DLC1: variants seen among roughly 807,000 people sequenced by gnomAD.
The protein encoded by DLC1 is DLC1 Rho GTPase activating protein.
DLC1 carries 54 observed loss-of-function variants against 140.3 expected under a neutral mutation model. That is an observed-to-expected ratio of 0.38 (90% CI 0.31 to 0.48). The LOEUF (loss-of-function observed/expected upper bound fraction) is 0.48. Ranked by LOEUF, DLC1 falls within the 20% of genes least tolerant of loss-of-function variation. The pLI is 0.96. For synonymous variants in DLC1, 986 were observed against 728.1 expected (o/e 1.35, Z -5.70); for missense variants, 2,536 against 1,907.0 (o/e 1.33, Z -6.14).
chr8:13,571,323 T>C (rs1054144899), intron 1 of DLC1, among the ~76,000 whole-genome samples: 1 of 152,170 alleles, frequency 6.6e-6, no homozygotes. Context: ...CAGAATTTTT[T>C]ATCACCTCAA....
chr8:13,119,763 G>A (rs549726096), intron 5 of DLC1, among the ~76,000 whole-genome samples: 4 of 151,992 alleles, frequency 2.6e-5, no homozygotes, highest in African/African-American at 9.6e-5. Flanking sequence ...ACCACTCTGG[G>A]CAATAATTGC....
In DLC1 at chr8:13,095,149, T is replaced by C. The variant is rs1818402645; in HGVS notation, c.3264A>G (p.Gly1088=). Residue 1088 remains glycine, a synonymous_variant, in exon 11 of 18, where the codon GGA becomes GGG. Transcript: ENST00000276297. ...VPLTVNVQRT[G]QPLPQSIQQA... is the part of the protein sequence containing the mutation. Reference sequence around the variant, plus strand: ...GCTGGATGCTCTGAGGCAACGGTTGTCCTGTGCGCTGCACGTTGACCGTCA... The same window carrying C: ...GCTGGATGCTCTGAGGCAACGGTTGCCCTGTGCGCTGCACGTTGACCGTCA... The C allele has an allele frequency of 1.9e-6, 3 of 1,614,242 alleles. No homozygotes were observed. Among genetic ancestry groups the C allele is most frequent in the Non-Finnish European group, 1.7e-6 (2 of 1,180,050 alleles).
At chr8:13,363,829 C>G (rs1301974672) in intron 4 of DLC1, among the ~76,000 whole-genome samples, 3 of 152,080 alleles carry the variant, frequency 2.0e-5, no homozygotes, top group Non-Finnish European at 4.4e-5. Flanking sequence ...GATTTGGTAC[C>G]AAAATGATAA....
In DLC1 at chr8:13,409,443, G is replaced by A. The variant is rs58191747; in HGVS notation, c.1024-7824C>T. The stretch of plus-strand genomic sequence containing the variant: ...TGCAGATTTAGCAAATAAAACGATA[G>A]GATGTCTAGTTATATTTGAATTTCA... On this transcript the variant is annotated intron_variant, in intron 2 of 17. Coordinates refer to ENST00000276297, the MANE Select transcript of DLC1 (RefSeq NM_182643.3). 3.6e-3 allele frequency among the ~76,000 whole-genome samples: 554 copies of A among 152,154 alleles called. 3 individuals carry two copies. Among genetic ancestry groups the A allele is most frequent in the African/African-American group, 0.013 (542 of 41,508 alleles).
At chr8:13,224,575 G>C (rs1184058918) in intron 5 of DLC1, among the ~76,000 whole-genome samples, 1 of 152,194 alleles carries the variant, frequency 6.6e-6, no homozygotes, top group Non-Finnish European at 1.5e-5. Context: ...GGGGTAAGGA[G>C]CCCTAAGGGG....
intron 5 of DLC1, among the ~76,000 whole-genome samples, chr8:13,160,445 G>A (rs1034588928): frequency 2.0e-5 from 3 of 152,158 alleles, no homozygotes; most frequent in African/African-American, 4.8e-5. Flanking sequence ...GACTTGTAAT[G>A]TTTCTCATCA....
intron 1 of DLC1, among the ~76,000 whole-genome samples, chr8:13,536,812 C>CA (rs1331879951): frequency 6.6e-6 from 1 of 152,164 alleles, no homozygotes; most frequent in East Asian, 1.9e-4. Context: ...AGAGAATCTT[C>CA]AATCTCCTTC....
At chr8:13,459,159 A>C (rs1290957114) in intron 2 of DLC1, among the ~76,000 whole-genome samples, 1 of 152,228 alleles carries the variant, frequency 6.6e-6, no homozygotes, top group Non-Finnish European at 1.5e-5. Context: ...AGAACTGCTA[A>C]AAATTAGTTC....
chr8:13,113,018 G>A (rs1320537957), intron 6 of DLC1, among the ~76,000 whole-genome samples: 6 of 152,112 alleles, frequency 3.9e-5, no homozygotes, highest in Non-Finnish European at 1.5e-5. Flanking sequence ...TTCTAAGTTA[G>A]TATACCCAGA....
At chr8:13,598,800 T>C (rs1246740542) in intron 1 of DLC1, among the ~76,000 whole-genome samples, 1 of 152,034 alleles carries the variant, frequency 6.6e-6, no homozygotes, top group Non-Finnish European at 1.5e-5. Context: ...TACATATTGT[T>C]ACACCAACTC....
chr8:13,237,346 A>C (rs1333531821), intron 5 of DLC1, among the ~76,000 whole-genome samples: 1 of 150,650 alleles, frequency 6.6e-6, no homozygotes, highest in Non-Finnish European at 1.5e-5. Context: ...ATATATACAC[A>C]CACACACGTA....
At chr8:13,575,171 T>C (rs1437986604) in intron 1 of DLC1, among the ~76,000 whole-genome samples, 1 of 152,196 alleles carries the variant, frequency 6.6e-6, no homozygotes, top group South Asian at 2.1e-4. Context: ...AAGTGTCTTA[T>C]GCAATCATAA....
intron 2 of DLC1, among the ~76,000 whole-genome samples, chr8:13,445,147 A>T (rs1046306486): frequency 2.6e-5 from 4 of 152,090 alleles, no homozygotes; most frequent in African/African-American, 9.7e-5. Flanking sequence ...GCACAGAGGG[A>T]GGAAGGGAGA....
chr8:13,474,607 G>A (rs533748986), intron 2 of DLC1, among the ~76,000 whole-genome samples: 18 of 152,160 alleles, frequency 1.2e-4, no homozygotes, highest in Admixed American at 2.6e-4. Flanking sequence ...TGGGAGAGGG[G>A]CTAAAACCTG....
At chr8:13,576,154 C>T (rs576665339) in intron 1 of DLC1, among the ~76,000 whole-genome samples, 2 of 152,282 alleles carry the variant, frequency 1.3e-5, no homozygotes, top group East Asian at 1.9e-4. Context: ...GCAGCACCTC[C>T]TCAGTAAGAC....
At chr8:13,295,769 C>T (rs1031299650) in intron 5 of DLC1, among the ~76,000 whole-genome samples, 1 of 151,898 alleles carries the variant, frequency 6.6e-6, no homozygotes, top group Non-Finnish European at 1.5e-5. Flanking sequence ...TGTAACTTTC[C>T]AAAGTAAACA....
chr8:13,253,431 ATGTG>A (rs3065442), intron 5 of DLC1, among the ~76,000 whole-genome samples: 3 of 149,746 alleles, frequency 2.0e-5, no homozygotes, highest in Non-Finnish European at 4.5e-5. Context: ...AATACATATT[ATGTG>A]TGTGTGTGTG....
At chr8:13,154,748 C>T (rs913649714) in intron 5 of DLC1, among the ~76,000 whole-genome samples, 2 of 152,132 alleles carry the variant, frequency 1.3e-5, no homozygotes, top group Non-Finnish European at 2.9e-5. Flanking sequence ...CATGTTGTCA[C>T]CTCTCAATAC....
rs530040009 is a variant in DLC1, at chr8:13,184,395, T to C, written c.1349-68738A>G. 9.2e-5 allele frequency among the ~76,000 whole-genome samples: 14 copies of C among 152,340 alleles called. No individual in the cohort carries two copies. In the South Asian group the frequency reaches 2.9e-3, roughly 32 times the overall value. ...AGTTCTTTTAATTGTGATGTTACGG[T>C]GTCAATTTTAGATCTTTTCTGCTTT... On this transcript the variant is annotated intron_variant, in intron 5 of 17. Coordinates refer to ENST00000276297, the MANE Select transcript of DLC1 (RefSeq NM_182643.3).
Sources: gnomAD v4.1 joint callset for allele counts (sites outside exome capture counted in the v4.1 genomes callset) on GRCh38, gnomAD v4.1.1 for gene constraint, MANE v1.5 for transcripts, NCBI Gene and HGNC (gene_info 2026-07-23, HGNC 2026-07-21) for gene names.